The following LRRC72 variants were observed in gnomAD, a reference collection of about 807,000 sequenced individuals.
LRRC72 encodes leucine rich repeat containing 72, also known as leucine-rich repeat-containing protein 72.
In LRRC72, 41 loss-of-function variants were observed where a neutral mutation model predicts 35.8. The ratio of observed to expected loss-of-function variants is 1.15; its 90% confidence interval spans 0.89 to 1.49. The LOEUF (loss-of-function observed/expected upper bound fraction) is 1.49. Ranked by LOEUF, LRRC72 falls within the 40% of genes most tolerant of loss-of-function variation. The pLI is 0.00. For synonymous variants in LRRC72, 118 were observed against 119.2 expected, an observed-to-expected ratio of 0.99 and a Z score of 0.07; for missense variants, 389 against 330.7, an observed-to-expected ratio of 1.18 and a Z score of -1.37.
intron 3 of LRRC72, among the ~76,000 whole-genome samples, chr7:16,550,028 G>A (rs963392893): frequency 6.6e-6 from 1 of 152,102 alleles, no homozygotes; most frequent in African/African-American, 2.4e-5. Flanking sequence ...AGACCAGTCT[G>A]AGAAACATAG....
In LRRC72 at chr7:16,532,504, G is replaced by A; in HGVS notation, c.100G>A (p.Asp34Asn). The change falls in exon 2 of 9, where the codon GAT becomes AAT. Residue 34 changes from aspartate (D) to asparagine (N), a missense_variant. Asp to Asn is a conservative substitution (Grantham distance 23, BLOSUM62 1). Coordinates refer to ENST00000401542, the MANE Select transcript of LRRC72 (RefSeq NM_001195280.2). ...ALQSSRRAVE[D>N]QLKICGHRRD... ...AATTATATGTTATCAGGCAGTTGAA[G>A]ATCAGCTAAAGATATGTGGCCACAG... 1.3e-6 allele frequency: 2 copies of A among 1,549,748 alleles called. No homozygotes were observed. Among genetic ancestry groups the A allele is most frequent in the East Asian group, 2.4e-5 (1 of 40,890 alleles).
intron 7 of LRRC72, among the ~76,000 whole-genome samples, chr7:16,575,801 C>T (rs115304321): frequency 2.0e-5 from 3 of 152,092 alleles, no homozygotes; most frequent in Non-Finnish European, 4.4e-5. Flanking sequence ...GATAGAAAAT[C>T]TCCCCTCTTA....
At position 16,527,118 on chromosome 7, in the gene LRRC72, C is replaced by T; in HGVS notation, c.90+76C>T. 3 of 1,182,074 alleles carry T rather than the reference C, an allele frequency of 2.5e-6. No individual in the cohort carries two copies. In the South Asian group the frequency reaches 4.0e-5, roughly 16 times the overall value. The allele number at this position is 1,182,074 out of a possible 1,614,324, so 73.2% of individuals were successfully genotyped here. A position where few individuals can be genotyped will look rare whatever the true frequency, so the allele number is the denominator to read the frequency against. On this transcript the variant is annotated intron_variant, in intron 1 of 8. Coordinates refer to ENST00000401542, the MANE Select transcript of LRRC72 (RefSeq NM_001195280.2). ...CAGGGCCCCACCTCCTGCCTGAGGA[C>T]TCCAGGCAGGTACTGAATTTGGAGG...
chr7:16,574,596 A>G (rs1024009251), intron 7 of LRRC72, among the ~76,000 whole-genome samples: 2 of 152,090 alleles, frequency 1.3e-5, no homozygotes, highest in African/African-American at 4.8e-5. Flanking sequence ...GGAGTTGAAC[A>G]ATGAGAACAC....
chr7:16,569,191 G>A (rs1455051440), intron 7 of LRRC72, among the ~76,000 whole-genome samples: 2 of 152,124 alleles, frequency 1.3e-5, no homozygotes, highest in Admixed American at 6.5e-5. Context: ...ACTTTGGGAG[G>A]CCGAGGCGGG....
At chr7:16,562,568 C>G (rs566813039) in intron 5 of LRRC72, among the ~76,000 whole-genome samples, 1 of 152,326 alleles carries the variant, frequency 6.6e-6, no homozygotes, top group South Asian at 2.1e-4. Flanking sequence ...GGGAGTTCCT[C>G]CTTTCGAGAG....
Position 16,557,433 on chromosome 7 carries a change from A to G in LRRC72, c.308A>G (p.Glu103Gly). ...ELYLNNNAIF[E>G]IEGLHYLPSL... ...TATCTAAACAACAATGCAATATTTG[A>G]GATAGAAGGTACGTCTTAAATTCTC... The change falls in exon 4 of 9, where the codon GAG (glutamate) becomes GGG (glycine). Residue 103 changes from glutamate (E) to glycine (G), a missense_variant. Glu to Gly is a moderately conservative substitution (Grantham distance 98). Transcript: ENST00000401542. 8.0e-7 allele frequency: 1 copy of G among 1,245,128 alleles called. No individual in the cohort carries two copies. Among genetic ancestry groups the G allele is most frequent in the Non-Finnish European group, 1.1e-6 (1 of 946,472 alleles). 77.1% of individuals were successfully genotyped at this position (1,245,128 alleles called of 1,614,324 possible). A position where few individuals can be genotyped will look rare whatever the true frequency, so the allele number is the denominator to read the frequency against.
intron 1 of LRRC72, among the ~76,000 whole-genome samples, chr7:16,529,318 C>T (rs1160343010): frequency 1.3e-5 from 2 of 152,200 alleles, no homozygotes; most frequent in African/African-American, 4.8e-5. Flanking sequence ...AATTTCACCT[C>T]ACCTCTTAAG....
chr7:16,531,406 G>A (rs1782160929), intron 1 of LRRC72, among the ~76,000 whole-genome samples: 1 of 152,106 alleles, frequency 6.6e-6, no homozygotes, highest in African/African-American at 2.4e-5. Context: ...CTATACATTT[G>A]CAGCTGCTCT....
intron 7 of LRRC72, among the ~76,000 whole-genome samples, chr7:16,573,855 A>T (rs541849641): frequency 1.3e-5 from 2 of 152,244 alleles, no homozygotes; most frequent in Non-Finnish European, 2.9e-5. Flanking sequence ...CTGTCATCAG[A>T]GTGAATAGGC....
chr7:16,565,291 A>G (rs1381620385), intron 5 of LRRC72, among the ~76,000 whole-genome samples: 3 of 152,072 alleles, frequency 2.0e-5, no homozygotes, highest in Admixed American at 1.3e-4. Flanking sequence ...AAATTAGCCA[A>G]GCGTGGTGGC....
chr7:16,566,817 GA>G (rs1782852182), intron 6 of LRRC72, among the ~76,000 whole-genome samples: 1 of 152,000 alleles, frequency 6.6e-6, no homozygotes, highest in Non-Finnish European at 1.5e-5. Context: ...TATATATATT[GA>G]AACATACAAT....
chr7:16,546,035 T>C (rs747261495), intron 3 of LRRC72, among the ~76,000 whole-genome samples: 4 of 152,186 alleles, frequency 2.6e-5, no homozygotes, highest in Admixed American at 6.5e-5. Flanking sequence ...ATGCATTGTT[T>C]TAATTTATTG....
intron 3 of LRRC72, among the ~76,000 whole-genome samples, chr7:16,551,341 T>G (rs1201572384): frequency 6.6e-6 from 1 of 152,220 alleles, no homozygotes; most frequent in Non-Finnish European, 1.5e-5. Context: ...CCAGTCCTCA[T>G]TTCCTGGCAT....
At chr7:16,572,470 T>G (rs898325702) in intron 7 of LRRC72, among the ~76,000 whole-genome samples, 5 of 152,208 alleles carry the variant, frequency 3.3e-5, no homozygotes, top group African/African-American at 9.7e-5. Flanking sequence ...CAAGCCAGCT[T>G]CATCCTTGGG....
At chr7:16,537,243 TA>T (rs1172384671) in intron 2 of LRRC72, 4 of 162,070 alleles carry the variant, frequency 2.5e-5, no homozygotes, top group African/African-American at 4.8e-5. Context: ...CCACAGACAA[TA>T]TTGAAGCAGG....
intron 7 of LRRC72, among the ~76,000 whole-genome samples, chr7:16,572,891 T>G (rs1448879371): frequency 6.6e-6 from 1 of 152,170 alleles, no homozygotes; most frequent in East Asian, 1.9e-4. Context: ...CATGATTACA[T>G]ATTTAGAAAA....
intron 5 of LRRC72, among the ~76,000 whole-genome samples, chr7:16,564,229 T>C (rs1290451464): frequency 6.6e-6 from 1 of 152,222 alleles, no homozygotes; most frequent in African/African-American, 2.4e-5. Flanking sequence ...CCCAAGACAG[T>C]AACCACAAAG....
Position 16,562,451 on chromosome 7 carries a change from C to G in LRRC72, c.427+3452C>G, listed in dbSNP as rs117026684. 2.7e-4 allele frequency among the ~76,000 whole-genome samples: 41 copies of G among 152,322 alleles called. No individual in the cohort carries two copies. The East Asian group carries it at 4.8e-3, about 18-fold the overall frequency. On this transcript the variant is annotated intron_variant, in intron 5 of 8. Transcript: ENST00000401542. ...AGTTTTCTCGTTTCTTTCTAATTTTCTGTTTTATTAAACTCCACTGTTGGA... is the reference window on the plus strand; with the variant it reads ...AGTTTTCTCGTTTCTTTCTAATTTTGTGTTTTATTAAACTCCACTGTTGGA...
Sources: gnomAD v4.1 joint callset for allele counts (sites outside exome capture counted in the v4.1 genomes callset) on GRCh38, gnomAD v4.1.1 for gene constraint, MANE v1.5 for transcripts, NCBI Gene and HGNC (gene_info 2026-07-23, HGNC 2026-07-21) for gene names.